Variants in PAX5 observed in about 807,000 individuals in gnomAD.
PAX5 encodes the protein paired box 5, also known as paired box protein Pax-5.
A neutral mutation model predicts 43.7 loss-of-function variants in PAX5; 9 were observed. The ratio of observed to expected loss-of-function variants is 0.21; its 90% confidence interval spans 0.12 to 0.36. The LOEUF (loss-of-function observed/expected upper bound fraction) is 0.36. PAX5 is among the 10% of genes least tolerant of loss of function. The probability of loss-of-function intolerance (pLI) is 1.00; values close to 1 mark genes in which losing one functional copy is unlikely to be tolerated. For missense variants in PAX5, 383 were observed against 532.7 expected, an observed-to-expected ratio of 0.72 and a Z score of 2.77; for synonymous variants, 228 against 214.3, an observed-to-expected ratio of 1.06 and a Z score of -0.56.
At chr9:36,851,863 A>G (rs1338353672) in intron 8 of PAX5, among the ~76,000 whole-genome samples, 1 of 152,138 alleles carries the variant, frequency 6.6e-6, no homozygotes, top group Non-Finnish European at 1.5e-5. Context: ...CTTCTAGGCC[A>G]TGCTCCAGGC....
rs778319865 is a variant in PAX5, at chr9:36,966,539, C to T, written c.780+10G>A. ...TGGCAGGTGTGGTGGGCGTGCATCA[C>T]GAGGCGTACCTGCTCGGGCTTGATG... On this transcript the variant is annotated intron_variant, in intron 6 of 9. Coordinates refer to ENST00000358127, the MANE Select transcript of PAX5 (RefSeq NM_016734.3). 4 of 1,608,486 alleles carry T rather than the reference C, an allele frequency of 2.5e-6. No homozygotes were observed. Among genetic ancestry groups the T allele is most frequent in the East Asian group, 4.5e-5 (2 of 44,792 alleles).
At chr9:36,890,712 C>T (rs370096595) in intron 7 of PAX5, among the ~76,000 whole-genome samples, 157 of 152,238 alleles carry the variant, frequency 1.0e-3, no homozygotes, top group Non-Finnish European at 1.9e-3. Context: ...AGTGCCTGCT[C>T]GCTGTGGCCT....
chr9:36,924,474 C>A (rs1015147337), intron 6 of PAX5, among the ~76,000 whole-genome samples: 2 of 152,244 alleles, frequency 1.3e-5, no homozygotes, highest in South Asian at 2.1e-4. Flanking sequence ...CATTCCAACA[C>A]TTTGGGAGGC....
At chr9:36,898,064 C>G (rs1226635976) in intron 7 of PAX5, among the ~76,000 whole-genome samples, 2 of 152,222 alleles carry the variant, frequency 1.3e-5, no homozygotes, top group Non-Finnish European at 2.9e-5. Flanking sequence ...AACCATGCCC[C>G]TTGCTCTGCC....
chr9:36,974,677 G>A (rs1249392927), intron 5 of PAX5, among the ~76,000 whole-genome samples: 1 of 152,092 alleles, frequency 6.6e-6, no homozygotes, highest in Non-Finnish European at 1.5e-5. Context: ...ACAATTCGTG[G>A]GGCTTTTATA....
intron 6 of PAX5, among the ~76,000 whole-genome samples, chr9:36,962,537 C>T (rs1834061502): frequency 1.3e-5 from 2 of 152,186 alleles, no homozygotes; most frequent in Admixed American, 6.5e-5. Flanking sequence ...GAACTGAACG[C>T]TGTGGTGTGT....
intron 6 of PAX5, among the ~76,000 whole-genome samples, chr9:36,944,288 A>G (rs888861752): frequency 2.0e-5 from 3 of 152,224 alleles, no homozygotes; most frequent in African/African-American, 7.2e-5. Context: ...GACCTCATTG[A>G]AACCTCTAAC....
chr9:36,948,958 T>C (rs1305526040), intron 6 of PAX5, among the ~76,000 whole-genome samples: 1 of 152,170 alleles, frequency 6.6e-6, no homozygotes, highest in Non-Finnish European at 1.5e-5. Flanking sequence ...ACAATGATAA[T>C]AAAGGAACAT....
chr9:36,914,925 T>C (rs1286750804), intron 7 of PAX5, among the ~76,000 whole-genome samples: 1 of 152,238 alleles, frequency 6.6e-6, no homozygotes, highest in East Asian at 1.9e-4. Flanking sequence ...AATACTTAAA[T>C]ACTTAATATT....
At chr9:36,996,908 T>A (rs560990441) in intron 5 of PAX5, among the ~76,000 whole-genome samples, 7 of 149,656 alleles carry the variant, frequency 4.7e-5, no homozygotes, top group Admixed American at 1.3e-4. Flanking sequence ...AGAGAGAGAG[T>A]GTGTGTGTGA....
intron 5 of PAX5, among the ~76,000 whole-genome samples, chr9:36,970,206 G>A (rs894003057): frequency 1.3e-5 from 2 of 152,164 alleles, no homozygotes; most frequent in African/African-American, 4.8e-5. Context: ...TAATGGAGAG[G>A]GGAGTGGCCT....
chr9:36,880,775 G>A (rs1333505026), intron 8 of PAX5, among the ~76,000 whole-genome samples: 3 of 152,148 alleles, frequency 2.0e-5, no homozygotes, highest in East Asian at 1.9e-4. Flanking sequence ...ACAGGGCTTC[G>A]CCATGTTGGC....
At chr9:36,846,786 G>C (rs2131590267) in intron 9 of PAX5, 57 bp downstream of exon 9, 3 of 1,268,112 alleles carry the variant, frequency 2.4e-6, no homozygotes, top group Non-Finnish European at 2.3e-6. Flanking sequence ...CAGTGAGGAG[G>C]CCTGGATGGG....
intron 6 of PAX5, among the ~76,000 whole-genome samples, chr9:36,927,712 C>CTTTTTCT (rs527243025): frequency 1.4e-5 from 2 of 142,084 alleles, no homozygotes; most frequent in African/African-American, 5.2e-5. Flanking sequence ...TTTTCTTTTT[C>CTTTTTCT]TTTTTTTTTT....
chr9:36,834,909 G>A lies in PAX5; in HGVS notation c.*5651C>T, dbSNP rs535080889. On this transcript the variant is annotated 3_prime_UTR_variant, in exon 10 of 10. Coordinates refer to ENST00000358127, the MANE Select transcript of PAX5 (RefSeq NM_016734.3). ...CCTCCTCCTGCCAGGCCTCAGAGTC[G>A]GGGAGGAGATGCACGACTGCCAAGT... 34 of 232,082 alleles carry A rather than the reference G, an allele frequency of 1.5e-4. No homozygotes were observed. Among genetic ancestry groups the A allele is most frequent in the African/African-American group, 6.4e-4 (29 of 45,356 alleles). 14.4% of individuals were successfully genotyped at this position (232,082 alleles called of 1,614,324 possible).
Position 36,858,907 on chromosome 9 carries a change from T to C in PAX5, c.1013-11978A>G, listed in dbSNP as rs1451127786. On this transcript the variant is annotated intron_variant, in intron 8 of 9. Coordinates refer to ENST00000358127, the MANE Select transcript of PAX5 (RefSeq NM_016734.3). ...CGCCGCTGACTAATGAGACGGAGGG[T>C]GAAGGTGTCATACCTTGCTGGGAAG... Among the ~76,000 whole-genome samples the C allele has an allele frequency of 2.0e-5, 3 of 152,034 alleles. No homozygotes were observed. In the East Asian group the frequency reaches 5.8e-4, roughly 29 times the overall value.
chr9:36,897,356 G>A (rs1465296308), intron 7 of PAX5, among the ~76,000 whole-genome samples: 4 of 152,082 alleles, frequency 2.6e-5, no homozygotes, highest in Non-Finnish European at 5.9e-5. Flanking sequence ...GGGAGGGGTC[G>A]ATCTGTTCCC....
intron 7 of PAX5, among the ~76,000 whole-genome samples, chr9:36,891,884 T>C (rs1827421688): frequency 6.6e-6 from 1 of 152,188 alleles, no homozygotes; most frequent in Non-Finnish European, 1.5e-5. Context: ...CAGGGAGCTG[T>C]TTACTTTGCT....
At chr9:36,986,524 C>T (rs1290594312) in intron 5 of PAX5, among the ~76,000 whole-genome samples, 2 of 152,130 alleles carry the variant, frequency 1.3e-5, no homozygotes, top group Non-Finnish European at 2.9e-5. Context: ...CGCGCTCAGC[C>T]TTCTCTTTGC....
Sources: allele counts gnomAD v4.1 joint callset (sites outside exome capture counted in the v4.1 genomes callset), GRCh38; gene constraint gnomAD v4.1.1; transcripts MANE v1.5; gene names NCBI Gene and HGNC (gene_info 2026-07-23, HGNC 2026-07-21).